Variants in PRLR observed in about 807,000 individuals in gnomAD.
The protein encoded by PRLR is prolactin receptor.
PRLR carries 13 observed loss-of-function variants against 40.2 expected under a neutral mutation model. The ratio of observed to expected loss-of-function variants is 0.32; its 90% confidence interval spans 0.21 to 0.51. The LOEUF (loss-of-function observed/expected upper bound fraction) is 0.51. Ranked by LOEUF, PRLR falls within the 20% of genes least tolerant of loss-of-function variation. The probability of loss-of-function intolerance (pLI) is 0.97; values close to 1 mark genes in which losing one functional copy is unlikely to be tolerated. For synonymous variants in PRLR, 269 were observed against 278.7 expected (o/e 0.97, Z 0.35); for missense variants, 656 against 747.3 (o/e 0.88, Z 1.42).
Position 35,065,445 on chromosome 5 carries a change from T to C in PRLR, c.1513A>G (p.Lys505Glu), listed in dbSNP as rs201852493. 2.5e-5 allele frequency: 41 copies of C among 1,614,178 alleles called. No individual in the cohort carries two copies. The Admixed American group carries it at 6.0e-4, about 24-fold the overall frequency. Reference protein sequence around the residue: ...PQEKTPFGSAKPLDYVEIHKV... With the variant: ...PQEKTPFGSAEPLDYVEIHKV... ...TGAATCTCCACATAATCCAAGGGTT[T>C]AGCGGAGCCAAAGGGGGTTTTCTCC... The change falls in exon 10 of 10, where the codon AAA becomes GAA. Residue 505 changes from lysine (K) to glutamate (E), a missense_variant. By Grantham distance (56) the Lys-to-Glu change is moderately conservative. This residue lies in a region of PRLR where 469 missense variants were observed against 491.5 expected (regional missense o/e 0.95). Coordinates refer to ENST00000618457, the MANE Select transcript of PRLR (RefSeq NM_000949.7).
At chr5:35,122,105 T>C (rs1254534158) in intron 1 of PRLR, among the ~76,000 whole-genome samples, 1 of 152,220 alleles carries the variant, frequency 6.6e-6, no homozygotes, top group Non-Finnish European at 1.5e-5. Flanking sequence ...CTTGTCACAC[T>C]AGAATCACAG....
At chr5:35,101,713 T>C (rs1011121739) in intron 2 of PRLR, among the ~76,000 whole-genome samples, 1 of 149,024 alleles carries the variant, frequency 6.7e-6, no homozygotes, top group Non-Finnish European at 1.5e-5. Context: ...AACATACATA[T>C]ATAAATATAA....
chr5:35,085,250 G>T (rs1175428135), intron 4 of PRLR, among the ~76,000 whole-genome samples: 1 of 152,094 alleles, frequency 6.6e-6, no homozygotes, highest in East Asian at 1.9e-4. Context: ...ACTGCACAGG[G>T]GTGGAGGCTT....
intron 1 of PRLR, among the ~76,000 whole-genome samples, chr5:35,150,341 C>G (rs1052222461): frequency 6.6e-6 from 1 of 152,230 alleles, no homozygotes; most frequent in Admixed American, 6.5e-5. Context: ...AGGCCCCAAA[C>G]AGCTCCTGAT....
rs1201233191 is a variant in PRLR at position 35,059,102 on chromosome 5, T to C, written c.*5987A>G. The C allele has an allele frequency of 6.6e-6, 1 of 152,158 alleles. No homozygotes were observed. Among genetic ancestry groups the C allele is most frequent in the Admixed American group, 6.6e-5 (1 of 15,266 alleles). The allele number at this position is 152,158 out of a possible 1,614,324, so 9.4% of individuals were successfully genotyped here. ...GTGCACAAAAAAACTCAGACTACAT[T>C]TTGAGGTTTATCCAAGTGAAGCGTA... On this transcript the variant is annotated 3_prime_UTR_variant, in exon 10 of 10. Transcript: ENST00000618457.
At chr5:35,172,741 A>G (rs1252777380) in intron 1 of PRLR, among the ~76,000 whole-genome samples, 1 of 152,150 alleles carries the variant, frequency 6.6e-6, no homozygotes, top group Non-Finnish European at 1.5e-5. Flanking sequence ...TCCTCCCACC[A>G]GGCCATGCTA....
At chr5:35,162,967 G>A (rs565805024) in intron 1 of PRLR, among the ~76,000 whole-genome samples, 1 of 152,242 alleles carries the variant, frequency 6.6e-6, no homozygotes, top group Non-Finnish European at 1.5e-5. Context: ...ACATACCTCT[G>A]CAACTGGGAG....
chr5:35,095,714 T>A (rs1771494989), intron 2 of PRLR, among the ~76,000 whole-genome samples: 1 of 152,252 alleles, frequency 6.6e-6, no homozygotes, highest in South Asian at 2.1e-4. Context: ...TTTTTTATCA[T>A]CACCATTATC....
chr5:35,069,596 A>G (rs1769611328), intron 7 of PRLR, among the ~76,000 whole-genome samples: 2 of 152,236 alleles, frequency 1.3e-5, no homozygotes, highest in Admixed American at 6.5e-5. Context: ...TGGGAGGACC[A>G]AATAAGGTAC....
At chr5:35,184,790 G>A (rs951424558) in intron 1 of PRLR, among the ~76,000 whole-genome samples, 1 of 152,200 alleles carries the variant, frequency 6.6e-6, no homozygotes, top group Admixed American at 6.5e-5. Context: ...ATGTGTTTAT[G>A]CAATCTTTCA....
In PRLR at chr5:35,108,881, G is replaced by A. The variant is rs894098762; in HGVS notation, c.-44+9180C>T. On this transcript the variant is annotated intron_variant, in intron 2 of 9. Transcript: ENST00000618457. Reference sequence around the variant, plus strand: ...AAAAAACTACTTTAAAGTTCATAAGGAACCAAAAAAAGATCCCACATTGCC... The same window carrying A: ...AAAAAACTACTTTAAAGTTCATAAGAAACCAAAAAAAGATCCCACATTGCC... Among the ~76,000 whole-genome samples the A allele has an allele frequency of 5.3e-5, 8 of 151,994 alleles. No homozygotes were observed. The South Asian group carries it at 8.3e-4, about 16-fold the overall frequency.
chr5:35,220,793 C>T (rs1384098496), intron 1 of PRLR, among the ~76,000 whole-genome samples: 1 of 152,208 alleles, frequency 6.6e-6, no homozygotes. Flanking sequence ...CCTAATCCCA[C>T]AATCTCAGCA....
chr5:35,195,327 A>C (rs536978823), intron 1 of PRLR: 51 of 152,418 alleles, frequency 3.3e-4, no homozygotes, highest in African/African-American at 1.2e-3. Flanking sequence ...GTCTCCCTGG[A>C]ATTCCTACGG....
At chr5:35,173,813 T>G (rs180732385) in intron 1 of PRLR, among the ~76,000 whole-genome samples, 1 of 152,302 alleles carries the variant, frequency 6.6e-6, no homozygotes, top group East Asian at 1.9e-4. Context: ...TTTTTTTTGT[T>G]GTTGTTTCTT....
At chr5:35,079,559 G>T (rs552604733) in intron 5 of PRLR, among the ~76,000 whole-genome samples, 1 of 152,238 alleles carries the variant, frequency 6.6e-6, no homozygotes, top group East Asian at 1.9e-4. Context: ...AATAAAAGAG[G>T]ATACACAGAA....
chr5:35,049,367 T>G (rs769620309), exon 9 of PRLR: 1 of 703,062 alleles, frequency 1.4e-6, no homozygotes, highest in South Asian at 1.5e-5. Context: ...CTGTAAGATT[T>G]GAGATTTTTG....
At position 35,061,011 on chromosome 5, in the gene PRLR, T is replaced by A. The variant is rs1414795251; in HGVS notation, c.*4078A>T. 1.3e-5 allele frequency: 2 copies of A among 152,176 alleles called. No homozygotes were observed. The highest frequency in any genetic ancestry group is 4.8e-5 in the African/African-American group (2 of 41,442). 9.4% of individuals were successfully genotyped at this position (152,176 alleles called of 1,614,324 possible). A position where few individuals can be genotyped will look rare whatever the true frequency, so the allele number is the denominator to read the frequency against. ...CACAACAGCTCTGTGTTGATTCAAT[T>A]AAACAATACGTAAACATTCACTGAA... On this transcript the variant is annotated 3_prime_UTR_variant, in exon 10 of 10. Coordinates refer to ENST00000618457, the MANE Select transcript of PRLR (RefSeq NM_000949.7).
chr5:35,196,751 A>C (rs868125341), intron 1 of PRLR, among the ~76,000 whole-genome samples: 3 of 152,220 alleles, frequency 2.0e-5, no homozygotes, highest in African/African-American at 7.2e-5. Flanking sequence ...CGTTCTCAGG[A>C]GTGTCTTAAT....
At chr5:35,142,033 A>G (rs940068858) in intron 1 of PRLR, among the ~76,000 whole-genome samples, 2 of 152,210 alleles carry the variant, frequency 1.3e-5, no homozygotes, top group Non-Finnish European at 2.9e-5. Context: ...AAAAATGGCA[A>G]TTCTCGAATG....
Sources: gnomAD v4.1 joint callset for allele counts (sites outside exome capture counted in the v4.1 genomes callset) on GRCh38, gnomAD v4.1.1 for gene constraint, gnomAD v4.1.1 regional missense constraint, MANE v1.5 for transcripts, NCBI Gene and HGNC (gene_info 2026-07-23, HGNC 2026-07-21) for gene names.